RAD52: variants seen among roughly 807,000 people sequenced by gnomAD.
RAD52 encodes the protein DNA repair protein RAD52 homolog.
In RAD52, 47 loss-of-function variants were observed where a neutral mutation model predicts 55.5. The observed-to-expected ratio is 0.85, with a 90% CI of 0.67 to 1.08. The LOEUF (loss-of-function observed/expected upper bound fraction) is 1.08. Ranked by LOEUF, RAD52 falls within the 50% of genes least tolerant of loss-of-function variation. The pLI, the probability that RAD52 is intolerant of heterozygous loss-of-function variation, is 0.00. For missense variants in RAD52, 468 were observed against 522.8 expected, an observed-to-expected ratio of 0.90 and a Z score of 1.02; for synonymous variants, 184 against 198.9, an observed-to-expected ratio of 0.92 and a Z score of 0.63.
At chr12:990,934 C>CGTGTGTGTGTGTGT (rs758442595), upstream of RAD52, 48 of 99,418 alleles carry the variant, frequency 4.8e-4, 1 homozygote, top group African/African-American at 1.4e-3. Context: ...CCGCAGGGGT[C>CGTGTGTGTGTGTGT]GTGTGTGTGT....
chr12:937,639 TG>T (rs1479643235), intron 1 of RAD52, among the ~76,000 whole-genome samples: 1 of 152,124 alleles, frequency 6.6e-6, no homozygotes, highest in Non-Finnish European at 1.5e-5. Context: ...TTGGCCAGGC[TG>T]CTCTCGAACT....
chr12:979,843 C>T (rs1958987641), intron 1 of RAD52, among the ~76,000 whole-genome samples: 1 of 152,166 alleles, frequency 6.6e-6, no homozygotes, highest in African/African-American at 2.4e-5. Flanking sequence ...GTCAGCAGAT[C>T]GAGACCATCC....
rs1372585916 is a variant in RAD52, at chr12:912,088, G to C, written c.*1303C>G. 1.0e-5 allele frequency: 2 copies of C among 200,498 alleles called. No homozygotes were observed. The highest frequency in any genetic ancestry group is 4.6e-5 in the African/African-American group (2 of 43,392). The allele number at this position is 200,498 out of a possible 1,614,324, so 12.4% of individuals were successfully genotyped here. On this transcript the variant is annotated 3_prime_UTR_variant, in exon 12 of 12. Coordinates refer to ENST00000358495, the MANE Select transcript of RAD52 (RefSeq NM_134424.4). ...GGGGGAAGAATTATGAAACATCTGA[G>C]CACTATGAAAAGCCAATTTATGGTC...
intron 5 of RAD52, among the ~76,000 whole-genome samples, chr12:928,287 G>A (rs962366749): frequency 1.3e-4 from 20 of 152,176 alleles, no homozygotes; most frequent in Non-Finnish European, 2.4e-4. Flanking sequence ...CAAGGCGGGT[G>A]GATCACCTGA....
At chr12:957,357 G>A (rs893102032) in intron 1 of RAD52, among the ~76,000 whole-genome samples, 1 of 151,406 alleles carries the variant, frequency 6.6e-6, no homozygotes. Flanking sequence ...CAACTACTCG[G>A]GAGGCTGAGG....
intron 1 of RAD52, among the ~76,000 whole-genome samples, chr12:984,056 A>T (rs1291807303): frequency 6.6e-6 from 1 of 152,212 alleles, no homozygotes; most frequent in Non-Finnish European, 1.5e-5. Context: ...CATTAAGTAC[A>T]TTCACAATGA....
intron 10 of RAD52, 138 bp downstream of exon 10, chr12:914,293 G>T: frequency 7.4e-7 from 1 of 1,360,258 alleles, no homozygotes. Flanking sequence ...GACCAAAGAG[G>T]AACTGGACAT....
intron 1 of RAD52, among the ~76,000 whole-genome samples, chr12:937,400 C>T (rs765504808): frequency 3.1e-4 from 47 of 152,056 alleles, no homozygotes; most frequent in African/African-American, 6.3e-4. Context: ...GCAGACACTA[C>T]GGATGCTCTA....
intron 7 of RAD52, among the ~76,000 whole-genome samples, chr12:917,690 C>G (rs1956472840): frequency 7.2e-6 from 1 of 138,684 alleles, no homozygotes; most frequent in Admixed American, 7.4e-5. Flanking sequence ...ACCAGCCTGG[C>G]CAAAATGGCA....
At chr12:975,903 G>A (rs753699333) in intron 1 of RAD52, 1 of 152,194 alleles carries the variant, frequency 6.6e-6, no homozygotes, top group Non-Finnish European at 1.5e-5. Context: ...AGTCTCTGTT[G>A]CTGGTTCTTT....
intron 1 of RAD52, among the ~76,000 whole-genome samples, chr12:963,776 A>G (rs1250708277): frequency 6.6e-6 from 1 of 152,054 alleles, no homozygotes; most frequent in African/African-American, 2.4e-5. Context: ...TCTATTTATC[A>G]TTAAATACTC....
intron 1 of RAD52, among the ~76,000 whole-genome samples, chr12:934,839 G>A (rs1957529016): frequency 6.6e-6 from 1 of 152,126 alleles, no homozygotes; most frequent in Admixed American, 6.6e-5. Context: ...CCGGCCAGGT[G>A]TGGTGGCTCA....
intron 1 of RAD52, among the ~76,000 whole-genome samples, chr12:966,164 G>C (rs895630179): frequency 1.3e-5 from 2 of 151,836 alleles, no homozygotes; most frequent in Admixed American, 6.6e-5. Flanking sequence ...TTGAGGTCTT[G>C]TTATGTTGTC....
chr12:961,778 G>A (rs967258773), intron 1 of RAD52, among the ~76,000 whole-genome samples: 1 of 152,080 alleles, frequency 6.6e-6, no homozygotes, highest in African/African-American at 2.4e-5. Flanking sequence ...CAGTAGACTC[G>A]GTTGAGCCTA....
chr12:943,080 G>C (rs1010507396), intron 1 of RAD52, among the ~76,000 whole-genome samples: 1 of 152,130 alleles, frequency 6.6e-6, no homozygotes, highest in Non-Finnish European at 1.5e-5. Context: ...ACAGGAAAAA[G>C]TGCTAAACAC....
At chr12:960,092 T>G (rs934531081) in intron 1 of RAD52, among the ~76,000 whole-genome samples, 8 of 152,088 alleles carry the variant, frequency 5.3e-5, no homozygotes, top group African/African-American at 1.9e-4. Context: ...CCCTATAAGG[T>G]GGACCATCCA....
chr12:917,715 C>A (rs1242553064), intron 7 of RAD52, among the ~76,000 whole-genome samples: 5 of 103,900 alleles, frequency 4.8e-5, no homozygotes, highest in Admixed American at 1.1e-4. Context: ...TACAAAAATA[C>A]AAAAAAAAAA....
upstream of RAD52, among the ~76,000 whole-genome samples, chr12:953,906 T>C (rs1382873141): frequency 2.0e-5 from 3 of 152,126 alleles, no homozygotes; most frequent in Non-Finnish European, 2.9e-5. Flanking sequence ...AGTGGAACCG[T>C]TGGGTGACAG....
chr12:982,708 T>C (rs922871017), intron 1 of RAD52, among the ~76,000 whole-genome samples: 2 of 130,378 alleles, frequency 1.5e-5, no homozygotes, highest in Non-Finnish European at 3.1e-5. Context: ...TTCTGTCACA[T>C]AGGCTGGAGC....
Sources: allele counts gnomAD v4.1 joint callset (sites outside exome capture counted in the v4.1 genomes callset), GRCh38; gene constraint gnomAD v4.1.1; transcripts MANE v1.5; gene names NCBI Gene and HGNC (gene_info 2026-07-23, HGNC 2026-07-21).